TENM1: variants seen among roughly 807,000 people sequenced by gnomAD.
TENM1 encodes teneurin-1.
In TENM1, 35 loss-of-function variants were observed where a neutral mutation model predicts 174.8. That is an observed-to-expected ratio of 0.20 (90% CI 0.15 to 0.27). TENM1 has a LOEUF of 0.27. Ranked by LOEUF, TENM1 falls within the 10% of genes least tolerant of loss-of-function variation. TENM1 has a pLI of 1.00. For synonymous variants in TENM1, 781 were observed against 798.7 expected (o/e 0.98, Z 0.37); for missense variants, 1,633 against 2,130.1 (o/e 0.77, Z 4.59).
chrX:124,609,401 T>C (rs1031139925), intron 11 of TENM1, among the ~76,000 whole-genome samples: 2 of 111,605 alleles, frequency 1.8e-5, no homozygotes, highest in Admixed American at 9.5e-5. Context: ...CTTTTTTTTT[T>C]CCTCACACAT....
At chrX:124,532,191 C>T (rs2048123671) in intron 15 of TENM1, among the ~76,000 whole-genome samples, 2 of 112,056 alleles carry the variant, frequency 1.8e-5, no homozygotes, top group Admixed American at 9.5e-5. Flanking sequence ...TCCCTATTCG[C>T]AAGACAATTC....
chrX:125,194,879 G>T, the TENM1 span, among the ~76,000 whole-genome samples: 1 of 111,742 alleles, frequency 8.9e-6, no homozygotes, highest in Non-Finnish European at 1.9e-5. Context: ...CACTCTTTAA[G>T]AATCAATTCA....
chrX:124,772,050 T>C (rs890299524), intron 3 of TENM1, among the ~76,000 whole-genome samples: 2 of 112,075 alleles, frequency 1.8e-5, no homozygotes, highest in African/African-American at 6.5e-5. Context: ...AGAAAAACAA[T>C]AAAAATCTTC....
At chrX:124,645,290 G>A in exon 10 of TENM1, 2 of 1,211,324 alleles carry the variant, frequency 1.7e-6, no homozygotes, top group Non-Finnish European at 2.2e-6. Flanking sequence ...CAGACACAGT[G>A]TCCTTTCTCG....
intron 5 of TENM1, among the ~76,000 whole-genome samples, chrX:124,701,401 G>C (rs969826347): frequency 1.8e-5 from 2 of 111,458 alleles, no homozygotes; most frequent in African/African-American, 6.5e-5. Flanking sequence ...AAACATCAAA[G>C]ATTGCCAGAG....
intron 5 of TENM1, among the ~76,000 whole-genome samples, chrX:124,681,548 A>T (rs1161011801): frequency 9.0e-6 from 1 of 111,728 alleles, no homozygotes; most frequent in African/African-American, 3.3e-5. Flanking sequence ...AGGATACAAC[A>T]CTTACTGTTT....
chrX:124,744,947 A>G (rs754586431), intron 3 of TENM1, among the ~76,000 whole-genome samples: 4 of 112,166 alleles, frequency 3.6e-5, no homozygotes, highest in South Asian at 3.7e-4. Flanking sequence ...TCAGGAAAAC[A>G]TTACAACTGT....
chrX:124,823,417 T>A (rs747273698), intron 3 of TENM1, among the ~76,000 whole-genome samples: 13 of 111,796 alleles, frequency 1.2e-4, no homozygotes, highest in Non-Finnish European at 2.4e-4. Context: ...TATTATTATT[T>A]TTTGCATATC....
chrX:124,892,004 T>A (rs1446212859), intron 3 of TENM1, among the ~76,000 whole-genome samples: 2 of 111,862 alleles, frequency 1.8e-5, no homozygotes, highest in Non-Finnish European at 3.8e-5. Flanking sequence ...ATTGTTAGGA[T>A]ATAAAATACA....
the TENM1 span, among the ~76,000 whole-genome samples, chrX:125,029,597 C>T: frequency 2.7e-5 from 3 of 111,597 alleles, no homozygotes; most frequent in Admixed American, 9.6e-5. Flanking sequence ...TTCTCCTGTG[C>T]GAAGTATTAC....
At chrX:124,404,412 T>C (rs1039544075) in intron 27 of TENM1, among the ~76,000 whole-genome samples, 1 of 111,811 alleles carries the variant, frequency 8.9e-6, no homozygotes, top group African/African-American at 3.3e-5. Context: ...TGGTTAACTC[T>C]GGTGAACTGT....
intron 22 of TENM1, among the ~76,000 whole-genome samples, chrX:124,456,503 T>C (rs1302069392): frequency 8.9e-6 from 1 of 111,967 alleles, no homozygotes; most frequent in Non-Finnish European, 1.9e-5. Flanking sequence ...TTAAGGGGTA[T>C]TTAATTTTCA....
intron 11 of TENM1, among the ~76,000 whole-genome samples, chrX:124,568,290 T>C (rs1305268844): frequency 1.8e-5 from 2 of 111,175 alleles, no homozygotes; most frequent in Admixed American, 9.6e-5. Context: ...CTTGGCACCA[T>C]TTCAGATGGA....
chrX:124,729,051 A>G (rs2053506023), intron 4 of TENM1, among the ~76,000 whole-genome samples: 1 of 112,543 alleles, frequency 8.9e-6, no homozygotes, highest in South Asian at 3.7e-4. Context: ...TTTCTGGAAT[A>G]CAGGGATTCT....
intron 3 of TENM1, among the ~76,000 whole-genome samples, chrX:124,863,546 A>T (rs959753526): frequency 2.7e-5 from 3 of 112,043 alleles, no homozygotes; most frequent in Non-Finnish European, 5.6e-5. Context: ...TTGAAAGGGG[A>T]AAGAAGAGTG....
intron 5 of TENM1, among the ~76,000 whole-genome samples, chrX:124,685,459 C>T (rs910134847): frequency 1.8e-5 from 2 of 111,024 alleles, no homozygotes; most frequent in Non-Finnish European, 3.8e-5. Context: ...AAAGAATCAA[C>T]GAGCTCAAAG....
the TENM1 span, among the ~76,000 whole-genome samples, chrX:125,177,549 T>C: frequency 3.6e-5 from 4 of 112,315 alleles, no homozygotes; most frequent in South Asian, 3.7e-4. Flanking sequence ...AAAGTATATA[T>C]AGTGATTCTC....
intron 3 of TENM1, among the ~76,000 whole-genome samples, chrX:124,738,034 C>T (rs1370545340): frequency 9.0e-6 from 1 of 111,692 alleles, no homozygotes; most frequent in East Asian, 2.8e-4. Flanking sequence ...GGCAGGCACA[C>T]GTAAAGACAG....
intron 21 of TENM1, 22 bp from the exon 25 acceptor site, chrX:124,481,986 T>C: frequency 9.3e-7 from 1 of 1,071,301 alleles, no homozygotes; most frequent in Non-Finnish European, 1.3e-6. Flanking sequence ...AAAAGTAAAG[T>C]TATTCAAGGC....
Sources: allele counts gnomAD v4.1 joint callset (sites outside exome capture counted in the v4.1 genomes callset), GRCh38; gene constraint gnomAD v4.1.1; transcripts MANE v1.5; gene names NCBI Gene and HGNC (gene_info 2026-07-23, HGNC 2026-07-21).